The following LMNTD1 variants were observed in gnomAD, a reference collection of about 807,000 sequenced individuals.
LMNTD1 encodes the protein lamin tail domain-containing protein 1.
LMNTD1 carries 35 observed loss-of-function variants against 50.9 expected under a neutral mutation model. The observed-to-expected ratio is 0.69, with a 90% CI of 0.53 to 0.91. The LOEUF is 0.91. Among genes scored for constraint, LMNTD1 ranks in the 40% least tolerant of loss-of-function variants. LMNTD1 has a pLI of 0.00. For synonymous variants in LMNTD1, 153 were observed against 161.9 expected (o/e 0.94, Z 0.42); for missense variants, 470 against 475.5 (o/e 0.99, Z 0.11).
chr12:25,514,742 C>T lies in LMNTD1; in HGVS notation c.1189+4053G>A, dbSNP rs527724000. ...CCCCAAAAATTAATAAATATAAGCA[C>T]ATAACTTTATTATTATGAGAATTAT... is the stretch of plus-strand genomic sequence containing the variant. On this transcript the variant is annotated intron_variant, in intron 8 of 9. Transcript: ENST00000458174. Among the ~76,000 whole-genome samples the T allele has an allele frequency of 3.4e-4, 52 of 152,020 alleles. 1 individual carries two copies. The highest frequency in any genetic ancestry group is 1.1e-3 in the African/African-American group (47 of 41,478).
At chr12:25,540,014 G>C (rs1338770731) in intron 4 of LMNTD1, among the ~76,000 whole-genome samples, 4 of 143,102 alleles carry the variant, frequency 2.8e-5, no homozygotes, top group African/African-American at 5.3e-5. Flanking sequence ...ACTCTCCCAA[G>C]ACTAAACCAG....
intron 1 of LMNTD1, among the ~76,000 whole-genome samples, chr12:25,570,503 G>A (rs931582581): frequency 6.6e-6 from 1 of 152,130 alleles, no homozygotes; most frequent in Non-Finnish European, 1.5e-5. Flanking sequence ...CAGTGGCTAG[G>A]CAGTGTTGTA....
At chr12:25,572,913 T>C (rs902000776) in intron 1 of LMNTD1, among the ~76,000 whole-genome samples, 2 of 151,928 alleles carry the variant, frequency 1.3e-5, no homozygotes, top group Non-Finnish European at 2.9e-5. Context: ...TATGCTTTCT[T>C]CCCTTGCAGG....
chr12:25,489,530 C>T (rs1243877919), intron 9 of LMNTD1, among the ~76,000 whole-genome samples: 1 of 139,572 alleles, frequency 7.2e-6, no homozygotes, highest in East Asian at 2.0e-4. Flanking sequence ...CACTGTCTGG[C>T]ACTCCCTAGT....
intron 1 of LMNTD1, among the ~76,000 whole-genome samples, chr12:25,577,540 T>A (rs1482489234): frequency 6.6e-6 from 1 of 152,186 alleles, no homozygotes; most frequent in Non-Finnish European, 1.5e-5. Flanking sequence ...TTTTGTACCC[T>A]GAGACTTTGC....
intron 1 of LMNTD1, among the ~76,000 whole-genome samples, chr12:25,645,961 C>T (rs769717771): frequency 2.0e-5 from 3 of 152,138 alleles, no homozygotes; most frequent in Non-Finnish European, 4.4e-5. Flanking sequence ...ATGTGACACT[C>T]AGAAGGACAA....
upstream of LMNTD1, among the ~76,000 whole-genome samples, chr12:25,553,457 C>G (rs947643925): frequency 2.0e-5 from 3 of 152,122 alleles, no homozygotes; most frequent in African/African-American, 7.2e-5. Flanking sequence ...CTAGACTTTG[C>G]CACCAAAATT....
At chr12:25,485,075 G>A (rs1028187947) in intron 9 of LMNTD1, among the ~76,000 whole-genome samples, 10 of 150,820 alleles carry the variant, frequency 6.6e-5, no homozygotes, top group African/African-American at 2.2e-4. Flanking sequence ...CTGAGGAATC[G>A]CCATACTGAC....
intron 1 of LMNTD1, among the ~76,000 whole-genome samples, chr12:25,596,252 C>A (rs1455619102): frequency 6.6e-6 from 1 of 151,940 alleles, no homozygotes; most frequent in Non-Finnish European, 1.5e-5. Context: ...AATAACAGAA[C>A]CAGGAAAGGA....
At chr12:25,608,677 T>C (rs919356567) in intron 1 of LMNTD1, among the ~76,000 whole-genome samples, 3 of 152,250 alleles carry the variant, frequency 2.0e-5, no homozygotes, top group African/African-American at 7.2e-5. Flanking sequence ...CTCTTGTGGC[T>C]TGTAGGGGTT....
At chr12:25,550,627 C>G (rs1403737626) in intron 2 of LMNTD1, among the ~76,000 whole-genome samples, 5 of 152,188 alleles carry the variant, frequency 3.3e-5, no homozygotes, top group Non-Finnish European at 7.3e-5. Context: ...TAGCCAACCT[C>G]TCCTTGTTGT....
intron 9 of LMNTD1, among the ~76,000 whole-genome samples, chr12:25,484,779 T>G (rs1429532756): frequency 6.8e-6 from 1 of 146,214 alleles, no homozygotes; most frequent in Non-Finnish European, 1.5e-5. Context: ...CTTGCGATAG[T>G]TTACTGAGAA....
intron 1 of LMNTD1, among the ~76,000 whole-genome samples, chr12:25,570,104 T>C (rs1944724805): frequency 6.6e-6 from 1 of 152,190 alleles, no homozygotes; most frequent in South Asian, 2.1e-4. Flanking sequence ...ATCATTATAT[T>C]ATACCATTCC....
At chr12:25,544,591 T>C (rs1276584813) in intron 4 of LMNTD1, among the ~76,000 whole-genome samples, 1 of 151,800 alleles carries the variant, frequency 6.6e-6, no homozygotes, top group Non-Finnish European at 1.5e-5. Flanking sequence ...TTATTTCTTG[T>C]TTTTGGGTTG....
intron 1 of LMNTD1, among the ~76,000 whole-genome samples, chr12:25,604,513 A>G (rs916137583): frequency 2.0e-5 from 3 of 149,274 alleles, no homozygotes; most frequent in Non-Finnish European, 4.5e-5. Context: ...CCCACCCCAC[A>G]ACAGTCCCCG....
chr12:25,546,258 TGA>T, intron 4 of LMNTD1, 114 bp downstream of exon 4: 1 of 495,822 alleles, frequency 2.0e-6, no homozygotes, highest in Non-Finnish European at 3.4e-6. Context: ...TTCAATGAAC[TGA>T]TTAGTGTTTT....
rs575007757 is a variant in LMNTD1 at position 25,552,953 on chromosome 12, C to T, written c.7G>A (p.Asp3Asn). 7.4e-5 allele frequency: 117 copies of T among 1,584,320 alleles called. No homozygotes were observed. The South Asian group carries it at 1.3e-3, about 17-fold the overall frequency. Reference sequence around the variant, plus strand: ...GAAGCTTCCTGAATGTCTTGTGTATCTTTCATCTTGGCTAGAAAAGAAGTC... The same window carrying T: ...GAAGCTTCCTGAATGTCTTGTGTATTTTTCATCTTGGCTAGAAAAGAAGTC... MK[D>N]TQDIQEASKA... is the part of the protein sequence containing the mutation. The change falls in exon 2 of 10, where the codon GAT (aspartate) becomes AAT (asparagine). Residue 3 changes from aspartate to asparagine, a missense_variant. Physicochemically the swap from Asp to Asn is conservative, Grantham distance 23. Coordinates refer to ENST00000458174, the MANE Select transcript of LMNTD1 (RefSeq NM_001145728.2).
chr12:25,499,841 C>G (rs1939282334), intron 9 of LMNTD1: 1 of 152,060 alleles, frequency 6.6e-6, no homozygotes, highest in African/African-American at 2.4e-5. Context: ...TGTTTGTGTT[C>G]TATGCCTCCT....
intron 1 of LMNTD1, among the ~76,000 whole-genome samples, chr12:25,603,338 G>A (rs1327918114): frequency 6.6e-6 from 1 of 151,968 alleles, no homozygotes; most frequent in Non-Finnish European, 1.5e-5. Context: ...GCCCAGGCCG[G>A]AGCACAGTCA....
Sources: gnomAD v4.1 joint callset for allele counts (sites outside exome capture counted in the v4.1 genomes callset) on GRCh38, gnomAD v4.1.1 for gene constraint, MANE v1.5 for transcripts, NCBI Gene and HGNC (gene_info 2026-07-23, HGNC 2026-07-21) for gene names.